Variants in TMEM131 observed in about 807,000 individuals in gnomAD.
TMEM131 encodes the protein transmembrane protein 131.
In TMEM131, 66 loss-of-function variants were observed where a neutral mutation model predicts 211.6. The ratio of observed to expected loss-of-function variants is 0.31; its 90% CI spans 0.26 to 0.38. The LOEUF (loss-of-function observed/expected upper bound fraction) is 0.38. TMEM131 is among the 10% of genes least tolerant of loss of function. TMEM131 has a pLI of 1.00. For missense variants in TMEM131, 2,036 were observed against 2,299.3 expected (o/e 0.89, Z 2.34); for synonymous variants, 844 against 841.3 (o/e 1.00, Z -0.06).
intron 4 of TMEM131, among the ~76,000 whole-genome samples, chr2:97,867,424 GTA>G (rs1346900790): frequency 1.5e-4 from 23 of 152,190 alleles, no homozygotes; most frequent in African/African-American, 5.3e-4. Context: ...TGACCCTTTT[GTA>G]ATCATAAAAT....
At chr2:97,954,315 G>A (rs1678461009) in intron 1 of TMEM131, among the ~76,000 whole-genome samples, 1 of 152,188 alleles carries the variant, frequency 6.6e-6, no homozygotes, top group Admixed American at 6.5e-5. Context: ...CATCAGGAAT[G>A]AAACAAGGGA....
intron 5 of TMEM131, among the ~76,000 whole-genome samples, chr2:97,849,717 C>CTTTTTT (rs11320615): frequency 1.9e-5 from 2 of 103,826 alleles, no homozygotes; most frequent in African/African-American, 3.8e-5. Flanking sequence ...CTCTCTCTCT[C>CTTTTTT]TTTTTTTTTT....
chr2:97,850,658 A>T (rs1295457075), intron 5 of TMEM131, among the ~76,000 whole-genome samples: 1 of 152,226 alleles, frequency 6.6e-6, no homozygotes, highest in East Asian at 1.9e-4. Context: ...ATAAAAGTTG[A>T]AAGAAAAAAA....
intron 5 of TMEM131, among the ~76,000 whole-genome samples, chr2:97,854,484 T>G (rs1673759821): frequency 6.6e-6 from 1 of 152,060 alleles, no homozygotes; most frequent in Non-Finnish European, 1.5e-5. Context: ...CTGGTCAGAG[T>G]AATCATCTAA....
chr2:97,945,813 TAA>T (rs997494902), intron 1 of TMEM131, among the ~76,000 whole-genome samples: 36 of 152,178 alleles, frequency 2.4e-4, no homozygotes, highest in African/African-American at 8.4e-4. Context: ...ACCACTACTG[TAA>T]GACTTCTAAA....
chr2:97,988,623 C>A (rs1680133508), intron 1 of TMEM131, among the ~76,000 whole-genome samples: 1 of 152,176 alleles, frequency 6.6e-6, no homozygotes, highest in African/African-American at 2.4e-5. Flanking sequence ...CGTGAATAGA[C>A]ATTTCTCCAA....
chr2:97,813,323 C>T (rs574780653), intron 15 of TMEM131, among the ~76,000 whole-genome samples: 1 of 152,338 alleles, frequency 6.6e-6, no homozygotes, highest in East Asian at 1.9e-4. Context: ...CTCTAAAATT[C>T]TAATCGATGC....
chr2:97,839,389 G>T (rs575457705), intron 7 of TMEM131, among the ~76,000 whole-genome samples: 1 of 151,902 alleles, frequency 6.6e-6, no homozygotes, highest in African/African-American at 2.4e-5. Context: ...TTAAAAAGTC[G>T]CCTACTGATA....
intron 32 of TMEM131, 126 bp downstream of exon 32, chr2:97,775,717 G>A (rs891991204): frequency 8.4e-6 from 9 of 1,065,788 alleles, no homozygotes; most frequent in Non-Finnish European, 1.3e-6. Context: ...TTCCTCAGTA[G>A]GTGCTCATCC....
chr2:97,965,980 A>G (rs1001675709), intron 1 of TMEM131, among the ~76,000 whole-genome samples: 1 of 152,118 alleles, frequency 6.6e-6, no homozygotes, highest in Non-Finnish European at 1.5e-5. Context: ...TAATTCAGTA[A>G]AAGAGAAAGT....
chr2:97,839,720 T>A (rs1037627621), intron 7 of TMEM131, among the ~76,000 whole-genome samples: 1 of 152,220 alleles, frequency 6.6e-6, no homozygotes, highest in Admixed American at 6.5e-5. Flanking sequence ...GTCTATGCAA[T>A]AGCTATCAGC....
Position 97,834,815 on chromosome 2 carries a change from T to C in TMEM131, c.915A>G (p.Thr305=). The stretch of plus-strand genomic sequence containing the variant: ...CCTCAACAGGAAGAATGATAAACTC[T>C]GTGCTGTCTGAAGCATTAGTCTTTA... ...IRIKTNASDS[T]EFIILPVEVE... Residue 305 remains threonine (T), a synonymous_variant, in exon 9 of 41, where the codon ACA becomes ACG. Transcript: ENST00000186436. 1 of 1,613,892 alleles carries C rather than the reference T, an allele frequency of 6.2e-7. No individual in the cohort carries two copies. Among genetic ancestry groups the C allele is most frequent in the Non-Finnish European group, 8.5e-7 (1 of 1,179,822 alleles).
rs1171089070 is a variant in TMEM131 at position 97,766,723 on chromosome 2, G to A, written c.4449-121C>T. 39 of 1,200,908 alleles carry A rather than the reference G, an allele frequency of 3.2e-5. No homozygotes were observed. The South Asian group carries it at 5.0e-4, about 15-fold the overall frequency. 74.4% of individuals were successfully genotyped at this position (1,200,908 alleles called of 1,614,324 possible). Reference sequence around the variant, plus strand: ...TGCAGGAAGCTAATGTGGCTTCCTGGGGCGTTATCTACCCTTGGTCCTAAC... The same window carrying A: ...TGCAGGAAGCTAATGTGGCTTCCTGAGGCGTTATCTACCCTTGGTCCTAAC... On this transcript the variant is annotated intron_variant, in intron 33 of 40. Coordinates refer to ENST00000186436, the MANE Select transcript of TMEM131 (RefSeq NM_015348.2).
At chr2:97,775,412 C>T (rs1001628166) in intron 32 of TMEM131, among the ~76,000 whole-genome samples, 4 of 152,174 alleles carry the variant, frequency 2.6e-5, no homozygotes, top group African/African-American at 7.2e-5. Context: ...ACCAAAACCC[C>T]GCTTCCAGCA....
At position 97,761,874 on chromosome 2, in the gene TMEM131, C is replaced by T. The variant is rs896792932; in HGVS notation, c.4889+161G>A. On this transcript the variant is annotated intron_variant, in intron 36 of 40. Coordinates refer to ENST00000186436, the MANE Select transcript of TMEM131 (RefSeq NM_015348.2). ...TGGAGCTGGGCACAGCAGCAGGAAG[C>T]GGGGGTGGACCCCAGGTAAAAGGGT... 11 of 725,774 alleles carry T rather than the reference C, an allele frequency of 1.5e-5. No homozygotes were observed. The East Asian group carries it at 1.5e-4, about 10-fold the overall frequency. 45.0% of individuals were successfully genotyped at this position (725,774 alleles called of 1,614,324 possible). A position where few individuals can be genotyped will look rare whatever the true frequency, so the allele number is the denominator to read the frequency against.
chr2:97,928,902 CAT>C (rs1677101779), intron 1 of TMEM131, among the ~76,000 whole-genome samples: 1 of 151,698 alleles, frequency 6.6e-6, no homozygotes, highest in South Asian at 2.1e-4. Context: ...TTTAGTGAAA[CAT>C]ATACATTATT....
In TMEM131 at chr2:97,759,007, T is replaced by C. The variant is rs1214404230; in HGVS notation, c.5253A>G (p.Ser1751=). 1 of 1,613,942 alleles carries C rather than the reference T, an allele frequency of 6.2e-7. No homozygotes were observed. Among genetic ancestry groups the C allele is most frequent in the Non-Finnish European group, 8.5e-7 (1 of 1,179,910 alleles). ...LGLSRSCNQA[S]QRSWNEFNSG... ...TATTAAACTCGTTCCAGCTCCTCTG[T>C]GAGGCCTGATTGCACGATCGAGATA... is the stretch of plus-strand genomic sequence containing the variant. The change falls in exon 40 of 41, where the codon TCA becomes TCG. Residue 1751 remains serine, a synonymous_variant. Transcript: ENST00000186436.
rs1680592047 is a variant in TMEM131, at chr2:97,793,304, A to G, written c.3545+91T>C. On this transcript the variant is annotated intron_variant, in intron 30 of 40. Coordinates refer to ENST00000186436, the MANE Select transcript of TMEM131 (RefSeq NM_015348.2). ...CAGAATTAAGATTTTTTTTCTCCTGAGCAAAGATGAAAAGAAACTTATTTT... is the reference window on the plus strand; with the variant it reads ...CAGAATTAAGATTTTTTTTCTCCTGGGCAAAGATGAAAAGAAACTTATTTT... 4 of 1,367,124 alleles carry G rather than the reference A, an allele frequency of 2.9e-6. No homozygotes were observed. In the South Asian group the frequency reaches 5.8e-5, roughly 20 times the overall value. The allele number at this position is 1,367,124 out of a possible 1,614,324, so 84.7% of individuals were successfully genotyped here.
intron 11 of TMEM131, among the ~76,000 whole-genome samples, chr2:97,832,031 C>T (rs1318694455): frequency 1.2e-5 from 1 of 84,556 alleles, no homozygotes. Flanking sequence ...AAAAAAGCAG[C>T]TCTAACTCAG....
Sources: gnomAD v4.1 joint callset for allele counts (sites outside exome capture counted in the v4.1 genomes callset) on GRCh38, gnomAD v4.1.1 for gene constraint, MANE v1.5 for transcripts, NCBI Gene and HGNC (gene_info 2026-07-23, HGNC 2026-07-21) for gene names.